Variants in CTNNA3 observed in about 807,000 individuals in gnomAD.
CTNNA3 encodes catenin alpha 3.
In CTNNA3, 76 loss-of-function variants were observed where a neutral mutation model predicts 95.7. The ratio of observed to expected loss-of-function variants is 0.79; its 90% CI spans 0.66 to 0.96. The LOEUF is 0.96. Ranked by LOEUF, CTNNA3 falls within the 40% of genes least tolerant of loss-of-function variation. The pLI is 0.00. For synonymous variants in CTNNA3, 431 were observed against 374.4 expected, an observed-to-expected ratio of 1.15 and a Z score of -1.74; for missense variants, 1,191 against 1,089.8, an observed-to-expected ratio of 1.09 and a Z score of -1.31.
intron 7 of CTNNA3, among the ~76,000 whole-genome samples, chr10:66,931,038 C>T (rs1847357253): frequency 6.6e-6 from 1 of 152,152 alleles, no homozygotes; most frequent in Non-Finnish European, 1.5e-5. Context: ...GTTGTTGCCT[C>T]ACCTCCATCC....
intron 12 of CTNNA3, among the ~76,000 whole-genome samples, chr10:66,327,674 T>C (rs1385511247): frequency 6.6e-6 from 1 of 152,012 alleles, no homozygotes; most frequent in Non-Finnish European, 1.5e-5. Context: ...GTGCAATTCT[T>C]AGGACCCTAT....
At chr10:65,988,988 T>C (rs1394234146) in intron 15 of CTNNA3, among the ~76,000 whole-genome samples, 191 bp from the exon 16 acceptor site, 1 of 152,222 alleles carries the variant, frequency 6.6e-6, no homozygotes, top group Non-Finnish European at 1.5e-5. Context: ...GTCGCCAAGC[T>C]TGAGTGCAGT....
At chr10:67,191,006 A>G (rs781749590) in intron 6 of CTNNA3, among the ~76,000 whole-genome samples, 6 of 152,190 alleles carry the variant, frequency 3.9e-5, no homozygotes, top group African/African-American at 7.2e-5. Flanking sequence ...ATAAGTCATA[A>G]GGGAGATGCA....
At chr10:66,419,346 T>C (rs1445365259) in intron 11 of CTNNA3, among the ~76,000 whole-genome samples, 2 of 151,970 alleles carry the variant, frequency 1.3e-5, no homozygotes, top group African/African-American at 2.4e-5. Flanking sequence ...AGGTGAAATA[T>C]CTCTACAAGG....
At chr10:67,610,624 C>T (rs758695349) in intron 2 of CTNNA3, among the ~76,000 whole-genome samples, 6 of 152,116 alleles carry the variant, frequency 3.9e-5, no homozygotes, top group Non-Finnish European at 8.8e-5. Context: ...GATAGGAGGG[C>T]GCTATTTGAA....
At chr10:67,413,609 C>A (rs1286091040) in intron 5 of CTNNA3, among the ~76,000 whole-genome samples, 1 of 152,054 alleles carries the variant, frequency 6.6e-6, no homozygotes, top group Non-Finnish European at 1.5e-5. Context: ...GCACTCCATC[C>A]AACAACCACA....
chr10:67,387,411 C>G (rs1169839349), intron 5 of CTNNA3, among the ~76,000 whole-genome samples: 1 of 152,076 alleles, frequency 6.6e-6, no homozygotes, highest in East Asian at 1.9e-4. Flanking sequence ...GGGTCCTACG[C>G]CCCACGGAGT....
intron 4 of CTNNA3, among the ~76,000 whole-genome samples, chr10:67,528,105 C>T (rs1267641895): frequency 6.6e-6 from 1 of 152,152 alleles, no homozygotes; most frequent in Non-Finnish European, 1.5e-5. Context: ...TTAAAGGGCA[C>T]TCATTTTTCT....
At chr10:67,515,767 G>T (rs1333216090) in intron 5 of CTNNA3, among the ~76,000 whole-genome samples, 2 of 152,066 alleles carry the variant, frequency 1.3e-5, no homozygotes, top group Non-Finnish European at 2.9e-5. Context: ...AGGAAAAAAA[G>T]AATCTTCTCC....
In CTNNA3 at chr10:66,282,906, G is replaced by T. The variant is rs113918547; in HGVS notation, c.1733-2285C>A. ...GAATTAAGTGATTAAATGAATGAATGAATTAATTAATTAATATGTAAAATC... is the reference window on the plus strand; with the variant it reads ...GAATTAAGTGATTAAATGAATGAATTAATTAATTAATTAATATGTAAAATC... On this transcript the variant is annotated intron_variant, in intron 12 of 17. Coordinates refer to ENST00000433211, the MANE Select transcript of CTNNA3 (RefSeq NM_013266.4). Among the ~76,000 whole-genome samples the T allele has an allele frequency of 2.4e-3, 372 of 151,848 alleles. 2 individuals are homozygous for T. Among genetic ancestry groups the T allele is most frequent in the African/African-American group, 8.2e-3 (339 of 41,476 alleles).
At chr10:66,654,275 TA>T (rs1846003193) in intron 9 of CTNNA3, among the ~76,000 whole-genome samples, 1 of 151,846 alleles carries the variant, frequency 6.6e-6, no homozygotes, top group African/African-American at 2.4e-5. Context: ...ATAACCCAAT[TA>T]AAAAAATAGG....
At chr10:66,096,387 C>T (rs1041762057) in intron 14 of CTNNA3, among the ~76,000 whole-genome samples, 1 of 152,090 alleles carries the variant, frequency 6.6e-6, no homozygotes, top group Non-Finnish European at 1.5e-5. Flanking sequence ...TTATAAATGA[C>T]TACTTGCAGA....
chr10:66,414,726 C>T (rs1013900881), intron 11 of CTNNA3, among the ~76,000 whole-genome samples: 2 of 152,098 alleles, frequency 1.3e-5, no homozygotes, highest in Non-Finnish European at 2.9e-5. Flanking sequence ...CATTAGGCTG[C>T]TGCTCCCAGG....
At chr10:66,430,308 C>T (rs12266439) in intron 11 of CTNNA3, among the ~76,000 whole-genome samples, 4 of 151,970 alleles carry the variant, frequency 2.6e-5, no homozygotes, top group South Asian at 2.1e-4. Context: ...GAATCAATAT[C>T]GTGAAAATGG....
At chr10:67,143,425 T>TA (rs61603392) in intron 7 of CTNNA3, among the ~76,000 whole-genome samples, 2,350 of 75,990 alleles carry the variant, frequency 0.031, 195 homozygotes, top group African/African-American at 0.071. Flanking sequence ...GGCTCTGTCT[T>TA]AAAAAAAAAA....
At chr10:66,577,942 C>T (rs1430449057) in intron 10 of CTNNA3, among the ~76,000 whole-genome samples, 1 of 151,938 alleles carries the variant, frequency 6.6e-6, no homozygotes, top group Non-Finnish European at 1.5e-5. Context: ...TCTGATTCTT[C>T]CTATCCATGG....
At chr10:67,641,730 C>G (rs1181534624) in intron 2 of CTNNA3, among the ~76,000 whole-genome samples, 1 of 152,076 alleles carries the variant, frequency 6.6e-6, no homozygotes, top group Non-Finnish European at 1.5e-5. Context: ...AGCTGGAAAC[C>G]ATCATTCTCA....
At chr10:67,145,295 C>A (rs1432774096) in intron 7 of CTNNA3, among the ~76,000 whole-genome samples, 1 of 152,068 alleles carries the variant, frequency 6.6e-6, no homozygotes, top group Admixed American at 6.6e-5. Flanking sequence ...TGAGTACATG[C>A]TGTCAGAAAA....
At chr10:66,653,048 A>T (rs1272213378) in intron 9 of CTNNA3, among the ~76,000 whole-genome samples, 1 of 152,124 alleles carries the variant, frequency 6.6e-6, no homozygotes, top group South Asian at 2.1e-4. Flanking sequence ...TGCCTCTAAG[A>T]TTAGGAATAA....
Sources: gnomAD v4.1 joint callset for allele counts (sites outside exome capture counted in the v4.1 genomes callset) on GRCh38, gnomAD v4.1.1 for gene constraint, MANE v1.5 for transcripts, NCBI Gene and HGNC (gene_info 2026-07-23, HGNC 2026-07-21) for gene names.